The following MTA1 variants were observed in gnomAD, a reference collection of about 807,000 sequenced individuals.
The protein encoded by MTA1 is metastasis-associated protein MTA1.
In MTA1, 15 loss-of-function variants were observed where a neutral mutation model predicts 97.0. The ratio of observed to expected loss-of-function variants is 0.15; its 90% CI spans 0.10 to 0.24. The LOEUF (loss-of-function observed/expected upper bound fraction) is 0.24. Ranked by LOEUF, MTA1 falls within the 10% of genes least tolerant of loss-of-function variation. The pLI is 1.00. For synonymous variants in MTA1, 435 were observed against 417.5 expected (o/e 1.04, Z -0.51); for missense variants, 709 against 1,015.1 (o/e 0.70, Z 4.10).
intron 7 of MTA1, among the ~76,000 whole-genome samples, chr14:105,457,904 G>C (rs1555430215): frequency 6.6e-6 from 1 of 151,724 alleles, no homozygotes; most frequent in East Asian, 1.9e-4. Flanking sequence ...CAGCCTGGGC[G>C]ACAGAGTGAG....
At position 105,424,103 on chromosome 14, in the gene MTA1, C is replaced by G. The variant is rs1316890361; in HGVS notation, c.28+4040C>G. On this transcript the variant is annotated intron_variant, in intron 1 of 20. Coordinates refer to ENST00000331320, the MANE Select transcript of MTA1 (RefSeq NM_004689.4). This position sits in a 1 kb window ranked among gnomAD's most constrained non-coding sequence, Gnocchi z 4.0. ...CCACTTGGCCTGTGAGGATCGGCCT[C>G]AGCACTGCGCCATTGGCAGCCCTGG... Among the ~76,000 whole-genome samples, 1 of 152,262 alleles carries G rather than the reference C, an allele frequency of 6.6e-6. No individual in the cohort carries two copies.
At chr14:105,444,079 C>T (rs1311376790) in intron 2 of MTA1, among the ~76,000 whole-genome samples, 3 of 145,264 alleles carry the variant, frequency 2.1e-5, no homozygotes, top group African/African-American at 5.2e-5. Flanking sequence ...CAGAGTGAGA[C>T]TCCATCTAAA....
Position 105,466,431 on chromosome 14 carries a change from C to T in MTA1, c.1630C>T (p.His544Tyr). 2 of 1,042,122 alleles carry T rather than the reference C, an allele frequency of 1.9e-6. No individual in the cohort carries two copies. The highest frequency in any genetic ancestry group is 2.9e-6 in the Non-Finnish European group (2 of 691,578). The allele number at this position is 1,042,122 out of a possible 1,614,324, so 64.6% of individuals were successfully genotyped here. A position where few individuals can be genotyped will look rare whatever the true frequency, so the allele number is the denominator to read the frequency against. ...GCCTGTGTCATTCCCGGCAGAGACC[C>T]ACCCCCGCCCCCCCAAGCCTGACCC... is the stretch of plus-strand genomic sequence containing the variant. Reference protein sequence around the residue: ...LEAVLRYLETHPRPPKPDPVK... With the variant: ...LEAVLRYLETYPRPPKPDPVK... Residue 544 changes from histidine (H) to tyrosine (Y), a missense_variant, in exon 17 of 21, where the codon CAC becomes TAC. Transcript: ENST00000331320.
At chr14:105,437,153 G>A (rs1332777270) in intron 1 of MTA1, among the ~76,000 whole-genome samples, 1 of 152,270 alleles carries the variant, frequency 6.6e-6, no homozygotes, top group Non-Finnish European at 1.5e-5. Context: ...CTCAGGAGCT[G>A]CATGCACAGG....
chr14:105,443,899 G>A (rs2082625636), intron 2 of MTA1, among the ~76,000 whole-genome samples: 1 of 152,040 alleles, frequency 6.6e-6, no homozygotes, highest in South Asian at 2.1e-4. Context: ...GACCATCCTG[G>A]CCAACATGGT....
intron 3 of MTA1, among the ~76,000 whole-genome samples, chr14:105,448,587 G>T (rs1266332770): frequency 2.0e-5 from 3 of 152,234 alleles, no homozygotes; most frequent in Non-Finnish European, 4.4e-5. Context: ...AGTGAGATGT[G>T]TTGGCCTGGG....
At chr14:105,465,968 A>AAT in intron 16 of MTA1, 1 of 194,776 alleles carries the variant, frequency 5.1e-6, no homozygotes, top group Non-Finnish European at 1.1e-5. Context: ...CTGTGGGAAG[A>AAT]GGTGGCTGGT....
intron 1 of MTA1, among the ~76,000 whole-genome samples, chr14:105,435,851 T>A (rs1425940296): frequency 2.0e-5 from 3 of 152,238 alleles, no homozygotes; most frequent in Non-Finnish European, 4.4e-5. Flanking sequence ...CTTACACCCC[T>A]TCTCGTGTCA....
chr14:105,467,275 C>T, intron 18 of MTA1: 1 of 390,906 alleles, frequency 2.6e-6, no homozygotes, highest in Admixed American at 2.8e-5. Context: ...CAGATAGGAC[C>T]AAGCCTAGCA....
At chr14:105,426,720 T>C (rs1353488314) in intron 1 of MTA1, among the ~76,000 whole-genome samples, 4 of 152,210 alleles carry the variant, frequency 2.6e-5, no homozygotes, top group Non-Finnish European at 4.4e-5. Flanking sequence ...TCTCCGATCC[T>C]TCTTGGACTT....
intron 1 of MTA1, among the ~76,000 whole-genome samples, chr14:105,432,106 C>T (rs2082193939): frequency 6.6e-6 from 1 of 152,218 alleles, no homozygotes; most frequent in African/African-American, 2.4e-5. Context: ...TGGCCCACTG[C>T]AGCCTCAATT....
rs2082867947 is a variant in MTA1 at position 105,450,168 on chromosome 14, C to T, written c.352C>T (p.Pro118Ser). Reference protein sequence around the residue: ...LFLSRQLESLPATHIRGKCSV... With the variant: ...LFLSRQLESLSATHIRGKCSV... ...CCTCTCCCGGCAGCTGGAGTCTCTGCCCGCCACGCACATCAGGTAGCCCCC... is the reference window on the plus strand; with the variant it reads ...CCTCTCCCGGCAGCTGGAGTCTCTGTCCGCCACGCACATCAGGTAGCCCCC... The change falls in exon 5 of 21, where the codon CCC becomes TCC. Residue 118 changes from proline (P) to serine (S), a missense_variant. Physicochemically the swap from Pro to Ser is moderately conservative, Grantham distance 74. This residue lies in a region of MTA1 where 321 missense variants were observed against 593.5 expected (regional missense o/e 0.54). Transcript: ENST00000331320. 1 of 1,613,072 alleles carries T rather than the reference C, an allele frequency of 6.2e-7. No individual in the cohort carries two copies. Among genetic ancestry groups the T allele is most frequent in the Non-Finnish European group, 8.5e-7 (1 of 1,179,894 alleles).
At chr14:105,440,065 G>A (rs587602888) in intron 2 of MTA1, among the ~76,000 whole-genome samples, 2 of 152,198 alleles carry the variant, frequency 1.3e-5, no homozygotes, top group African/African-American at 4.8e-5. Flanking sequence ...CTGCTCCCCC[G>A]CAGCTTCCTG....
chr14:105,449,019 C>T (rs1555427917), intron 3 of MTA1: 3 of 278,654 alleles, frequency 1.1e-5, no homozygotes, highest in African/African-American at 2.2e-5. Context: ...CCCCATGCTG[C>T]TGGCCGGTGC....
At position 105,463,357 on chromosome 14, in the gene MTA1, G is replaced by A. The variant is rs587689109; in HGVS notation, c.1017+99G>A. 32 of 1,509,776 alleles carry A rather than the reference G, an allele frequency of 2.1e-5. No individual in the cohort carries two copies. In the Admixed American group the frequency reaches 3.4e-4, roughly 16 times the overall value. The allele number at this position is 1,509,776 out of a possible 1,614,324, so 93.5% of individuals were successfully genotyped here. On this transcript the variant is annotated intron_variant, in intron 11 of 20. Transcript: ENST00000331320. The surrounding 1 kb of genome is among the most constrained non-coding windows in gnomAD (Gnocchi z 5.9). ...GGGCGTGCACTGCTGCAGCAGGAGG[G>A]GAAGGAAGACTCCTGAGTCCCTGGC... is the stretch of plus-strand genomic sequence containing the variant.
chr14:105,448,724 A>G (rs2082805327), intron 3 of MTA1, among the ~76,000 whole-genome samples: 1 of 152,172 alleles, frequency 6.6e-6, no homozygotes, highest in African/African-American at 2.4e-5. Context: ...CAGGCCCAGC[A>G]TGGCTGCTCC....
rs782155773 is a variant in MTA1, at chr14:105,464,578, G to A, written c.1344+11G>A. On this transcript the variant is annotated intron_variant, in intron 14 of 20. Transcript: ENST00000331320. ...AACCGCAGTAACATGGTAAGGGGGG[G>A]GACACCCGCCCTGCCTGCCATGAGC... 8.1e-6 allele frequency: 13 copies of A among 1,612,588 alleles called. No homozygotes were observed. The highest frequency in any genetic ancestry group is 1.6e-4 in the Middle Eastern group (1 of 6,062).
At chr14:105,465,285 C>CAG in intron 16 of MTA1, 102 bp downstream of exon 16, 1 of 1,038,534 alleles carries the variant, frequency 9.6e-7, no homozygotes, top group Non-Finnish European at 1.3e-6. Context: ...GCTGGGAGCT[C>CAG]CTGGACAGCC....
intron 2 of MTA1, 60 bp downstream of exon 2, chr14:105,438,799 T>G: frequency 6.4e-7 from 1 of 1,561,072 alleles, no homozygotes; most frequent in Non-Finnish European, 8.8e-7. Context: ...CGCCAGCTCC[T>G]GCCCTGTGGG....
Sources: gnomAD v4.1 joint callset for allele counts (sites outside exome capture counted in the v4.1 genomes callset) on GRCh38, gnomAD v4.1.1 for gene constraint, gnomAD v4.1.1 regional missense constraint, Gnocchi (gnomAD v3.1) non-coding constraint, MANE v1.5 for transcripts, NCBI Gene and HGNC (gene_info 2026-07-23, HGNC 2026-07-21) for gene names.